SYT14: variants seen among roughly 807,000 people sequenced by gnomAD.
SYT14 encodes the protein synaptotagmin 14.
Under a neutral mutation model 74.2 loss-of-function variants are expected in SYT14, and 32 were observed. The observed-to-expected ratio is 0.43, with a 90% CI of 0.33 to 0.58. The LOEUF is 0.58. Among genes scored for constraint, SYT14 ranks in the 20% least tolerant of loss-of-function variants. The probability of loss-of-function intolerance (pLI) is 0.05; values close to 1 mark genes in which losing one functional copy is unlikely to be tolerated. For missense variants in SYT14, 791 were observed against 981.8 expected, an observed-to-expected ratio of 0.81 and a Z score of 2.60; for synonymous variants, 298 against 337.7, an observed-to-expected ratio of 0.88 and a Z score of 1.29.
intron 2 of SYT14, among the ~76,000 whole-genome samples, chr1:210,008,257 A>T (rs952415159): frequency 2.0e-5 from 3 of 152,224 alleles, no homozygotes; most frequent in African/African-American, 7.2e-5. Context: ...AATTTGGATC[A>T]TGGGAAAACT....
Position 210,070,090 on chromosome 1 carries a change from C to G in SYT14, c.1313-24232C>G, listed in dbSNP as rs528760832. ...CATCACTTAGCATAAACATTTTATT[C>G]TGAGGAGGAAAAAATGTTTTTATTC... On this transcript the variant is annotated intron_variant, in intron 5 of 9. Transcript: ENST00000637265. Among the ~76,000 whole-genome samples, 8 of 152,116 alleles carry G rather than the reference C, an allele frequency of 5.3e-5. No homozygotes were observed. In the East Asian group the frequency reaches 1.5e-3, roughly 29 times the overall value.
chr1:210,013,541 G>A (rs1463890758), intron 2 of SYT14, 92 bp from the exon 3 acceptor site: 2 of 1,201,048 alleles, frequency 1.7e-6, no homozygotes, highest in South Asian at 1.4e-5. Context: ...ATTCAAATAA[G>A]GTAGTAAGCT....
At chr1:210,134,064 TTTTATTTATTTA>T (rs201522718) in intron 7 of SYT14, among the ~76,000 whole-genome samples, 1 of 151,618 alleles carries the variant, frequency 6.6e-6, no homozygotes, top group Admixed American at 6.6e-5. Flanking sequence ...TGTTGTTGAT[TTTTATTTATTTA>T]TTTATTTATT....
chr1:209,972,311 G>C (rs2079270179), intron 2 of SYT14, among the ~76,000 whole-genome samples: 1 of 151,524 alleles, frequency 6.6e-6, no homozygotes, highest in South Asian at 2.1e-4. Flanking sequence ...ACCAACTTTT[G>C]GTTTCATTGA....
At chr1:210,169,219 G>GTGTTT (rs1558238336) in exon 10 of SYT14, 14 of 82,922 alleles carry the variant, frequency 1.7e-4, no homozygotes, top group African/African-American at 4.2e-4. Flanking sequence ...TATGTTTTTG[G>GTGTTT]TGTTTTTTTT....
intron 7 of SYT14, among the ~76,000 whole-genome samples, chr1:210,144,791 G>A (rs2082995731): frequency 6.6e-6 from 1 of 151,938 alleles, no homozygotes; most frequent in Admixed American, 6.6e-5. Flanking sequence ...TCATTAAAGG[G>A]AACATATAAC....
intron 7 of SYT14, among the ~76,000 whole-genome samples, chr1:210,147,313 A>T (rs941256284): frequency 6.6e-6 from 1 of 152,214 alleles, no homozygotes; most frequent in African/African-American, 2.4e-5. Flanking sequence ...AATGTTAAGC[A>T]TATTTTCCAA....
intron 1 of SYT14, among the ~76,000 whole-genome samples, chr1:209,949,661 GCA>G (rs1004816070): frequency 7.9e-5 from 12 of 151,276 alleles, no homozygotes; most frequent in Non-Finnish European, 1.5e-4. Flanking sequence ...GTTTTTAAAA[GCA>G]GGGTTTTCTT....
intron 5 of SYT14, among the ~76,000 whole-genome samples, chr1:210,062,383 T>C (rs1234925321): frequency 6.6e-6 from 1 of 151,346 alleles, no homozygotes; most frequent in African/African-American, 2.4e-5. Flanking sequence ...TAGTGTCTGA[T>C]AAGTATACTG....
At chr1:210,014,928 A>T (rs569082231) in intron 3 of SYT14, among the ~76,000 whole-genome samples, 23 of 152,130 alleles carry the variant, frequency 1.5e-4, no homozygotes, top group African/African-American at 5.5e-4. Context: ...GTTTATGTGG[A>T]TTATATCTAT....
intron 1 of SYT14, among the ~76,000 whole-genome samples, chr1:209,940,896 C>A (rs1021570518): frequency 6.6e-6 from 1 of 152,202 alleles, no homozygotes; most frequent in Non-Finnish European, 1.5e-5. Context: ...ACCACTCCTT[C>A]ACTTATGTGT....
intron 2 of SYT14, among the ~76,000 whole-genome samples, chr1:210,005,606 A>G (rs975278267): frequency 6.6e-6 from 1 of 151,928 alleles, no homozygotes; most frequent in Non-Finnish European, 1.5e-5. Flanking sequence ...AAATTGAGAC[A>G]ATTCGTTGTT....
At chr1:210,130,320 A>G (rs2046849) in intron 7 of SYT14, among the ~76,000 whole-genome samples, 1 of 151,894 alleles carries the variant, frequency 6.6e-6, no homozygotes, top group South Asian at 2.1e-4. Context: ...GAAAAAAACA[A>G]AAAACATTTT....
chr1:210,068,028 A>G (rs909191338), intron 5 of SYT14, among the ~76,000 whole-genome samples: 1 of 151,878 alleles, frequency 6.6e-6, no homozygotes, highest in Admixed American at 6.6e-5. Context: ...TTTCTGTTTT[A>G]AAGAGAATGC....
At chr1:210,006,164 A>C (rs1235781608) in intron 2 of SYT14, among the ~76,000 whole-genome samples, 1 of 151,916 alleles carries the variant, frequency 6.6e-6, no homozygotes, top group Non-Finnish European at 1.5e-5. Context: ...TGTTACTTCT[A>C]TCAGTAAATG....
intron 7 of SYT14, among the ~76,000 whole-genome samples, chr1:210,118,020 C>T (rs1202469363): frequency 6.6e-6 from 1 of 152,174 alleles, no homozygotes; most frequent in East Asian, 1.9e-4. Context: ...GCTTAAAGCA[C>T]AGGCATTGTT....
chr1:210,054,355 A>C (rs925135452), intron 5 of SYT14, among the ~76,000 whole-genome samples: 2 of 152,188 alleles, frequency 1.3e-5, no homozygotes, highest in Non-Finnish European at 2.9e-5. Flanking sequence ...TTCTGCTATC[A>C]CATTTTAAAA....
At chr1:210,137,887 G>A (rs537945658) in intron 7 of SYT14, among the ~76,000 whole-genome samples, 3 of 152,108 alleles carry the variant, frequency 2.0e-5, no homozygotes, top group Admixed American at 2.0e-4. Flanking sequence ...CACCATGTTG[G>A]TCAAGCTGGT....
At chr1:209,984,499 T>C (rs946927700) in intron 2 of SYT14, among the ~76,000 whole-genome samples, 1 of 152,342 alleles carries the variant, frequency 6.6e-6, no homozygotes, top group African/African-American at 2.4e-5. Context: ...TCTTATCTTT[T>C]AAAAATTTTT....
Sources: allele counts gnomAD v4.1 joint callset (sites outside exome capture counted in the v4.1 genomes callset), GRCh38; gene constraint gnomAD v4.1.1; transcripts MANE v1.5; gene names NCBI Gene and HGNC (gene_info 2026-07-23, HGNC 2026-07-21).